DSCAM: variants seen among roughly 807,000 people sequenced by gnomAD.
DSCAM encodes cell adhesion molecule DSCAM.
Under a neutral mutation model 217.7 loss-of-function variants are expected in DSCAM, and 47 were observed. That is an observed-to-expected ratio of 0.22 (90% CI 0.17 to 0.28). DSCAM has a LOEUF of 0.28. Ranked by LOEUF, DSCAM falls within the 10% of genes least tolerant of loss-of-function variation. The probability of loss-of-function intolerance (pLI) is 1.00; values close to 1 mark genes in which losing one functional copy is unlikely to be tolerated. For synonymous variants in DSCAM, 1,056 were observed against 1,015.3 expected (o/e 1.04, Z -0.76); for missense variants, 2,080 against 2,618.3 (o/e 0.79, Z 4.49).
chr21:40,469,446 T>C (rs2075870691), intron 3 of DSCAM, among the ~76,000 whole-genome samples: 1 of 152,138 alleles, frequency 6.6e-6, no homozygotes, highest in Non-Finnish European at 1.5e-5. Context: ...CCTGGAGCTG[T>C]CTCTGCTGGA....
intron 3 of DSCAM, among the ~76,000 whole-genome samples, chr21:40,546,457 T>C (rs915513795): frequency 2.0e-5 from 3 of 152,212 alleles, no homozygotes; most frequent in African/African-American, 7.2e-5. Flanking sequence ...TCCCTGCCTT[T>C]TGACCTTAGG....
intron 4 of DSCAM, among the ~76,000 whole-genome samples, chr21:40,354,848 CAA>C (rs11314417): frequency 3.6e-4 from 40 of 112,366 alleles, no homozygotes; most frequent in African/African-American, 1.4e-3. Context: ...AACTCTGTCT[CAA>C]AAAAAAAAAA....
chr21:40,356,604 A>C (rs9980600), intron 4 of DSCAM, among the ~76,000 whole-genome samples: 1 of 151,816 alleles, frequency 6.6e-6, no homozygotes, highest in African/African-American at 2.4e-5. Flanking sequence ...GCTTCTTTAC[A>C]TCACCTGGAA....
At chr21:40,660,717 C>T (rs1323339549) in intron 3 of DSCAM, among the ~76,000 whole-genome samples, 1 of 152,104 alleles carries the variant, frequency 6.6e-6, no homozygotes, top group South Asian at 2.1e-4. Context: ...ACATACAGCC[C>T]CTGAGGCTTG....
intron 1 of DSCAM, among the ~76,000 whole-genome samples, chr21:40,749,419 AATAG>A (rs367715545): frequency 1.1e-4 from 16 of 152,316 alleles, no homozygotes; most frequent in African/African-American, 3.6e-4. Flanking sequence ...AAAAGATCTG[AATAG>A]ATATTTTTCA....
chr21:40,479,512 G>A (rs960989610), intron 3 of DSCAM, among the ~76,000 whole-genome samples: 3 of 152,214 alleles, frequency 2.0e-5, no homozygotes, highest in Non-Finnish European at 4.4e-5. Flanking sequence ...GGCTGGGGAG[G>A]CCTCACAATC....
chr21:40,235,308 C>T (rs1359051096), intron 11 of DSCAM, among the ~76,000 whole-genome samples: 1 of 152,156 alleles, frequency 6.6e-6, no homozygotes, highest in Non-Finnish European at 1.5e-5. Flanking sequence ...GTACTAGCCT[C>T]TACAAGAAAC....
intron 3 of DSCAM, among the ~76,000 whole-genome samples, chr21:40,403,408 C>T (rs763067563): frequency 3.1e-4 from 47 of 151,922 alleles, no homozygotes; most frequent in Non-Finnish European, 5.9e-4. Flanking sequence ...AGTGATCCTC[C>T]CACCTCAGTA....
At chr21:40,727,577 C>T (rs2146518847) in intron 1 of DSCAM, among the ~76,000 whole-genome samples, 1 of 152,032 alleles carries the variant, frequency 6.6e-6, no homozygotes, top group East Asian at 1.9e-4. Flanking sequence ...CTTAGCTGTA[C>T]CCTCAAAATA....
At chr21:40,049,106 A>G (rs1288575792) in intron 30 of DSCAM, among the ~76,000 whole-genome samples, 1 of 152,150 alleles carries the variant, frequency 6.6e-6, no homozygotes, top group Admixed American at 6.5e-5. Flanking sequence ...GATGTTGGTA[A>G]ACATCATTTA....
chr21:40,619,335 G>GTTA (rs2089448604), intron 3 of DSCAM, among the ~76,000 whole-genome samples: 1 of 152,030 alleles, frequency 6.6e-6, no homozygotes, highest in Non-Finnish European at 1.5e-5. Context: ...GACTTAATTG[G>GTTA]AATATTTTTG....
chr21:40,124,999 T>C (rs964505826), intron 19 of DSCAM, among the ~76,000 whole-genome samples: 4 of 152,168 alleles, frequency 2.6e-5, no homozygotes, highest in African/African-American at 7.2e-5. Context: ...GGGATGAACC[T>C]TTTGGATCCT....
At chr21:40,449,354 A>G (rs1260882043) in intron 3 of DSCAM, among the ~76,000 whole-genome samples, 1 of 152,198 alleles carries the variant, frequency 6.6e-6, no homozygotes, top group Non-Finnish European at 1.5e-5. Context: ...TTTTATATAC[A>G]TGACTATTTC....
chr21:40,723,276 A>G (rs761852974), intron 1 of DSCAM, among the ~76,000 whole-genome samples: 5 of 152,220 alleles, frequency 3.3e-5, no homozygotes, highest in Admixed American at 6.5e-5. Context: ...TAGGTCCCCA[A>G]TCCCCTTCCA....
At chr21:40,317,447 A>T (rs1192631353) in intron 8 of DSCAM, among the ~76,000 whole-genome samples, 1 of 152,204 alleles carries the variant, frequency 6.6e-6, no homozygotes, top group Non-Finnish European at 1.5e-5. Flanking sequence ...GTGACCCAGG[A>T]GGGCAGGAGA....
chr21:40,493,581 G>T (rs1293334570), intron 3 of DSCAM, among the ~76,000 whole-genome samples: 1 of 151,988 alleles, frequency 6.6e-6, no homozygotes, highest in African/African-American at 2.4e-5. Context: ...TAGAAAACTG[G>T]CTGGGCATGG....
intron 1 of DSCAM, among the ~76,000 whole-genome samples, chr21:40,833,146 G>A (rs1015333931): frequency 6.6e-6 from 1 of 152,036 alleles, no homozygotes; most frequent in African/African-American, 2.4e-5. Flanking sequence ...AAGTCTCTCA[G>A]AGAAAAAGAT....
chr21:40,504,694 G>A (rs924732490), intron 3 of DSCAM, among the ~76,000 whole-genome samples: 2 of 152,156 alleles, frequency 1.3e-5, no homozygotes, highest in African/African-American at 4.8e-5. Flanking sequence ...TCCATCCTGT[G>A]TTCCAATGGA....
intron 3 of DSCAM, among the ~76,000 whole-genome samples, chr21:40,531,152 C>T (rs1157773120): frequency 6.6e-6 from 1 of 152,192 alleles, no homozygotes; most frequent in Non-Finnish European, 1.5e-5. Context: ...TCAACACCAG[C>T]AGAGCCAAAA....
Sources: allele counts gnomAD v4.1 joint callset (sites outside exome capture counted in the v4.1 genomes callset), GRCh38; gene constraint gnomAD v4.1.1; transcripts MANE v1.5; gene names NCBI Gene and HGNC (gene_info 2026-07-23, HGNC 2026-07-21).